Variants in CREB5 observed in about 807,000 individuals in gnomAD.
CREB5 encodes the protein cAMP responsive element binding protein 5, also known as cyclic AMP-responsive element-binding protein 5.
A neutral mutation model predicts 57.1 loss-of-function variants in CREB5; 19 were observed. The ratio of observed to expected loss-of-function variants is 0.33; its 90% CI spans 0.23 to 0.49. CREB5 has a LOEUF of 0.49. CREB5 is among the 20% of genes least tolerant of loss of function. The pLI is 0.99. For synonymous variants in CREB5, 238 were observed against 238.3 expected (o/e 1.00, Z 0.01); for missense variants, 579 against 671.6 (o/e 0.86, Z 1.52).
At chr7:28,806,809 A>C (rs1363837041) in intron 8 of CREB5, among the ~76,000 whole-genome samples, 1 of 152,208 alleles carries the variant, frequency 6.6e-6, no homozygotes. Context: ...TTAGGGTAGG[A>C]GGATACAGAA....
chr7:28,488,366 G>T (rs1264137804), intron 2 of CREB5, 120 bp downstream of exon 2: 2 of 736,240 alleles, frequency 2.7e-6, no homozygotes, highest in East Asian at 2.6e-5. Flanking sequence ...CACCACCAAA[G>T]TCCCCCTCCC....
chr7:28,555,237 C>G (rs979378774), intron 4 of CREB5, among the ~76,000 whole-genome samples: 13 of 152,084 alleles, frequency 8.5e-5, no homozygotes, highest in African/African-American at 3.1e-4. Flanking sequence ...TTCATGAGGG[C>G]TGGCAACTGT....
Position 28,489,322 on chromosome 7 carries a change from C to T in CREB5, c.75+1076C>T, listed in dbSNP as rs1003516522. On this transcript the variant is annotated intron_variant, in intron 2 of 10. Transcript: ENST00000357727. Reference sequence around the variant, plus strand: ...TTTTTTTTTTTTTTTTTTTTTGAGACGGAGTCTCGCTCTGTCGCCCAGGCT... The same window carrying T: ...TTTTTTTTTTTTTTTTTTTTTGAGATGGAGTCTCGCTCTGTCGCCCAGGCT... Among the ~76,000 whole-genome samples the T allele has an allele frequency of 2.8e-4, 22 of 79,718 alleles. 1 individual carries two copies. Among genetic ancestry groups the T allele is most frequent in the East Asian group, 6.0e-4 (2 of 3,308 alleles). The allele number at this position is 79,718 out of a possible 152,430, so 52.3% of individuals were successfully genotyped here. A position where few individuals can be genotyped will look rare whatever the true frequency, so the allele number is the denominator to read the frequency against.
chr7:28,534,199 C>A lies in CREB5; in HGVS notation c.291+26462C>A, dbSNP rs527770749. The stretch of plus-strand genomic sequence containing the variant: ...CCTGTGCAATTTGCTGGAGAATTTC[C>A]CACTGGCTCTTGGCTCATTTTCAAA... On this transcript the variant is annotated intron_variant, in intron 4 of 10. Transcript: ENST00000357727. 3.9e-5 allele frequency among the ~76,000 whole-genome samples: 6 copies of A among 152,328 alleles called. No homozygotes were observed. In the South Asian group the frequency reaches 1.0e-3, roughly 26 times the overall value.
chr7:28,366,761 C>T (rs906640760), intron 1 of CREB5, among the ~76,000 whole-genome samples: 5 of 152,182 alleles, frequency 3.3e-5, no homozygotes, highest in Non-Finnish European at 5.9e-5. Context: ...GTCCAATATT[C>T]GTTACCTAGC....
rs148835550 is a variant in CREB5 at position 28,637,340 on chromosome 7, G to T, written c.464+66803G>T. ...AGATAGCTTTGAGAGGCCATAGTTT[G>T]CTGGACTCTCTTTTGGGGGCTTTTT... is the stretch of plus-strand genomic sequence containing the variant. On this transcript the variant is annotated intron_variant, in intron 5 of 10. Coordinates refer to ENST00000357727, the MANE Select transcript of CREB5 (RefSeq NM_182898.4). 2.7e-4 allele frequency among the ~76,000 whole-genome samples: 41 copies of T among 152,210 alleles called. No individual in the cohort carries two copies. The East Asian group carries it at 7.9e-3, about 29-fold the overall frequency.
At chr7:28,351,722 T>A (rs1289887288) in intron 1 of CREB5, among the ~76,000 whole-genome samples, 1 of 152,154 alleles carries the variant, frequency 6.6e-6, no homozygotes, top group East Asian at 1.9e-4. Context: ...AAGCATTACA[T>A]TGAAAATTAA....
intron 5 of CREB5, among the ~76,000 whole-genome samples, chr7:28,682,941 A>C (rs929172605): frequency 2.0e-4 from 30 of 152,306 alleles, no homozygotes; most frequent in African/African-American, 6.3e-4. Context: ...CGAACATTTC[A>C]TCAGGGGCTG....
At chr7:28,586,654 G>T (rs368032572) in intron 5 of CREB5, among the ~76,000 whole-genome samples, 2 of 152,326 alleles carry the variant, frequency 1.3e-5, no homozygotes, top group African/African-American at 4.8e-5. Flanking sequence ...ATAGAGAGAA[G>T]TGGGGAAGCA....
chr7:28,333,585 CTA>C (rs1449445244), intron 1 of CREB5, among the ~76,000 whole-genome samples: 1 of 152,276 alleles, frequency 6.6e-6, no homozygotes, highest in African/African-American at 2.4e-5. Flanking sequence ...ATTCTACTCT[CTA>C]TCTCCATGAG....
chr7:28,758,474 T>TG (rs1805466344), intron 7 of CREB5, among the ~76,000 whole-genome samples: 1 of 152,076 alleles, frequency 6.6e-6, no homozygotes, highest in Non-Finnish European at 1.5e-5. Context: ...GGAGGTCCGG[T>TG]GGGGAAAGTC....
At chr7:28,725,923 T>G (rs1803312154) in intron 7 of CREB5, among the ~76,000 whole-genome samples, 1 of 152,168 alleles carries the variant, frequency 6.6e-6, no homozygotes, top group Non-Finnish European at 1.5e-5. Flanking sequence ...TCACTGGATT[T>G]TATGCCACTG....
chr7:28,335,012 A>T (rs1273712290), intron 1 of CREB5, among the ~76,000 whole-genome samples: 2 of 152,074 alleles, frequency 1.3e-5, no homozygotes, highest in Non-Finnish European at 2.9e-5. Context: ...ATTCACTGTA[A>T]ATGTACAGAT....
rs118100827 is a variant in CREB5, at chr7:28,427,911, A to G, written c.3+14994A>G. 7.1e-3 allele frequency among the ~76,000 whole-genome samples: 1,075 copies of G among 152,312 alleles called. 7 individuals carry two copies. Among genetic ancestry groups the G allele is most frequent in the Middle Eastern group, 0.02 (6 of 294 alleles). On this transcript the variant is annotated intron_variant, in intron 1 of 10. Coordinates refer to ENST00000357727, the MANE Select transcript of CREB5 (RefSeq NM_182898.4). Reference sequence around the variant, plus strand: ...GTTAGGACTCTTCCAGGTTCTAAGGATATGGCAGTGAACCAAACAAACAAA... The same window carrying G: ...GTTAGGACTCTTCCAGGTTCTAAGGGTATGGCAGTGAACCAAACAAACAAA...
chr7:28,697,931 G>A (rs1239573935), intron 5 of CREB5, among the ~76,000 whole-genome samples: 1 of 152,100 alleles, frequency 6.6e-6, no homozygotes, highest in East Asian at 1.9e-4. Context: ...CCTACAGCTG[G>A]TAAAATACAA....
chr7:28,659,538 C>A (rs1307133957), intron 5 of CREB5, among the ~76,000 whole-genome samples: 1 of 152,124 alleles, frequency 6.6e-6, no homozygotes, highest in African/African-American at 2.4e-5. Flanking sequence ...CTCATGGTAT[C>A]CTTTGGCAGA....
At chr7:28,454,102 C>T (rs867137651) in intron 1 of CREB5, among the ~76,000 whole-genome samples, 3 of 152,038 alleles carry the variant, frequency 2.0e-5, no homozygotes, top group African/African-American at 2.4e-5. Context: ...TACAGGCACT[C>T]GCCACCACAC....
chr7:28,511,326 A>G (rs1792692595), intron 4 of CREB5, among the ~76,000 whole-genome samples: 1 of 152,042 alleles, frequency 6.6e-6, no homozygotes, highest in South Asian at 2.1e-4. Context: ...ATAAGTGCAA[A>G]GGCCTGAGGC....
chr7:28,465,739 A>G (rs1268386007), intron 1 of CREB5, among the ~76,000 whole-genome samples: 1 of 152,252 alleles, frequency 6.6e-6, no homozygotes, highest in Non-Finnish European at 1.5e-5. Flanking sequence ...ATGGCTTTGT[A>G]AAGTGTTAAA....
Sources: gnomAD v4.1 joint callset for allele counts (sites outside exome capture counted in the v4.1 genomes callset) on GRCh38, gnomAD v4.1.1 for gene constraint, MANE v1.5 for transcripts, NCBI Gene and HGNC (gene_info 2026-07-23, HGNC 2026-07-21) for gene names.